BNC2: variants seen among roughly 807,000 people sequenced by gnomAD.
The protein encoded by BNC2 is basonuclin zinc finger protein 2.
Under a neutral mutation model 76.3 loss-of-function variants are expected in BNC2, and 20 were observed. The observed-to-expected ratio is 0.26, with a 90% confidence interval of 0.18 to 0.38. The LOEUF is 0.38. Among genes scored for constraint, BNC2 ranks in the 10% least tolerant of loss-of-function variants. The pLI is 1.00. For synonymous variants in BNC2, 582 were observed against 514.8 expected (o/e 1.13, Z -1.77); for missense variants, 1,382 against 1,399.8 (o/e 0.99, Z 0.20).
intron 1 of BNC2, among the ~76,000 whole-genome samples, chr9:16,752,028 A>C (rs1398244866): frequency 6.6e-6 from 1 of 152,134 alleles, no homozygotes; most frequent in Non-Finnish European, 1.5e-5. Flanking sequence ...GACTCTAAAA[A>C]CAAAAATATT....
At chr9:16,446,825 G>A (rs1237878820) in intron 5 of BNC2, among the ~76,000 whole-genome samples, 2 of 151,982 alleles carry the variant, frequency 1.3e-5, no homozygotes, top group African/African-American at 4.8e-5. Flanking sequence ...AATCATAGAA[G>A]CTCCAGCTAA....
At chr9:16,504,706 G>A (rs1426663292) in intron 5 of BNC2, among the ~76,000 whole-genome samples, 1 of 152,112 alleles carries the variant, frequency 6.6e-6, no homozygotes, top group East Asian at 1.9e-4. Flanking sequence ...AACCAGCCAG[G>A]CACAGTAGGA....
At chr9:16,567,250 C>T (rs2132774573) in intron 4 of BNC2, among the ~76,000 whole-genome samples, 1 of 152,262 alleles carries the variant, frequency 6.6e-6, no homozygotes, top group Admixed American at 6.5e-5. Flanking sequence ...GATTTCTGTG[C>T]TTCATTAATG....
At chr9:16,764,980 C>T (rs1413010940) in intron 1 of BNC2, among the ~76,000 whole-genome samples, 6 of 152,004 alleles carry the variant, frequency 3.9e-5, no homozygotes, top group Non-Finnish European at 5.9e-5. Context: ...TGTAAGGATA[C>T]GAAACCCGCT....
intron 5 of BNC2, among the ~76,000 whole-genome samples, chr9:16,508,122 A>G (rs1318577331): frequency 6.6e-6 from 1 of 152,220 alleles, no homozygotes; most frequent in Non-Finnish European, 1.5e-5. Context: ...CAGCATATAA[A>G]GTTTAAGTAC....
intron 3 of BNC2, among the ~76,000 whole-genome samples, chr9:16,586,551 T>C (rs1168916393): frequency 6.6e-6 from 1 of 152,226 alleles, no homozygotes; most frequent in Non-Finnish European, 1.5e-5. Flanking sequence ...CCTTCATTCC[T>C]GGGCTGTAGA....
At chr9:16,860,146 T>C (rs1339859328) in intron 1 of BNC2, among the ~76,000 whole-genome samples, 1 of 150,776 alleles carries the variant, frequency 6.6e-6, no homozygotes, top group Non-Finnish European at 1.5e-5. Flanking sequence ...ATTAACAAGA[T>C]ACATTTTACG....
At chr9:16,420,107 A>C (rs1294120179) in intron 6 of BNC2, among the ~76,000 whole-genome samples, 1 of 152,230 alleles carries the variant, frequency 6.6e-6, no homozygotes, top group African/African-American at 2.4e-5. Flanking sequence ...TTTTCTATAC[A>C]GCACACACTT....
At chr9:16,587,709 G>T (rs1840253929) in intron 3 of BNC2, among the ~76,000 whole-genome samples, 2 of 152,104 alleles carry the variant, frequency 1.3e-5, no homozygotes, top group Admixed American at 6.6e-5. Flanking sequence ...TCCTTGGTTG[G>T]ACAGCTGACT....
At chr9:16,477,858 A>G (rs908275350) in intron 5 of BNC2, among the ~76,000 whole-genome samples, 3 of 152,156 alleles carry the variant, frequency 2.0e-5, no homozygotes, top group Non-Finnish European at 4.4e-5. Context: ...TTTAGAAGCA[A>G]CTCATAGAAC....
rs2118970379 is a variant in BNC2 at position 16,415,985 on chromosome 9, T to G, written c.*3004A>C. The stretch of plus-strand genomic sequence containing the variant: ...TGTTTCCAAGCAAGGGAAACTCTAC[T>G]TCTAGAATCTCATTACTTCTGGACT... On this transcript the variant is annotated 3_prime_UTR_variant, in exon 7 of 7. Coordinates refer to ENST00000380672, the MANE Select transcript of BNC2 (RefSeq NM_017637.6). 6.6e-6 allele frequency: 1 copy of G among 152,276 alleles called. No individual in the cohort carries two copies. The highest frequency in any genetic ancestry group is 2.4e-5 in the African/African-American group (1 of 41,560). The allele number at this position is 152,276 out of a possible 1,614,324, so 9.4% of individuals were successfully genotyped here.
intron 3 of BNC2, among the ~76,000 whole-genome samples, chr9:16,724,062 T>C (rs1487824385): frequency 6.6e-6 from 1 of 152,062 alleles, no homozygotes; most frequent in Non-Finnish European, 1.5e-5. Flanking sequence ...TAACTTAGTA[T>C]TTCACTCAAG....
intron 5 of BNC2, among the ~76,000 whole-genome samples, chr9:16,525,684 C>T (rs1299701669): frequency 6.6e-6 from 1 of 152,156 alleles, no homozygotes; most frequent in Non-Finnish European, 1.5e-5. Context: ...AATGAGGTAG[C>T]TCTTTATGTG....
intron 1 of BNC2, among the ~76,000 whole-genome samples, chr9:16,837,387 C>T (rs1262653430): frequency 1.3e-5 from 2 of 152,104 alleles, no homozygotes; most frequent in Non-Finnish European, 2.9e-5. Context: ...GCCTGTAATC[C>T]CAGCTACTCA....
intron 1 of BNC2, among the ~76,000 whole-genome samples, chr9:16,778,247 A>G (rs974901023): frequency 1.3e-5 from 2 of 152,204 alleles, no homozygotes; most frequent in African/African-American, 2.4e-5. Context: ...ACACACAAAT[A>G]CTTTCTTTTT....
chr9:16,671,660 G>A (rs1390817129), intron 3 of BNC2, among the ~76,000 whole-genome samples: 1 of 152,180 alleles, frequency 6.6e-6, no homozygotes, highest in African/African-American at 2.4e-5. Flanking sequence ...CCTCCCATGA[G>A]ATTTGAGAAG....
At chr9:16,737,162 G>A (rs1404973727) in intron 2 of BNC2, among the ~76,000 whole-genome samples, 1 of 150,892 alleles carries the variant, frequency 6.6e-6, no homozygotes, top group Non-Finnish European at 1.5e-5. Flanking sequence ...CTAGAGTGCA[G>A]TGCACAATCA....
chr9:16,832,539 G>A (rs80116101), intron 1 of BNC2, among the ~76,000 whole-genome samples: 7 of 152,088 alleles, frequency 4.6e-5, no homozygotes, highest in East Asian at 1.9e-4. Flanking sequence ...GTGAATCAAC[G>A]AATCCGAACC....
chr9:16,622,883 T>G (rs934192493), intron 3 of BNC2, among the ~76,000 whole-genome samples: 2 of 152,080 alleles, frequency 1.3e-5, no homozygotes, highest in Non-Finnish European at 2.9e-5. Flanking sequence ...TAAAAAAACC[T>G]TATTATTTTT....
Sources: gnomAD v4.1 joint callset for allele counts (sites outside exome capture counted in the v4.1 genomes callset) on GRCh38, gnomAD v4.1.1 for gene constraint, MANE v1.5 for transcripts, NCBI Gene and HGNC (gene_info 2026-07-23, HGNC 2026-07-21) for gene names.